CERT1: variants seen among roughly 807,000 people sequenced by gnomAD.
The protein encoded by CERT1 is ceramide transfer protein.
Under a neutral mutation model 87.9 loss-of-function variants are expected in CERT1, and 31 were observed. The observed-to-expected ratio is 0.35, with a 90% CI of 0.27 to 0.48. The LOEUF (loss-of-function observed/expected upper bound fraction) is 0.48. Among genes scored for constraint, CERT1 ranks in the 20% least tolerant of loss-of-function variants. The probability of loss-of-function intolerance (pLI) is 0.99; values close to 1 mark genes in which losing one functional copy is unlikely to be tolerated. For missense variants in CERT1, 487 were observed against 758.0 expected (o/e 0.64, Z 4.20); for synonymous variants, 289 against 250.9 (o/e 1.15, Z -1.44).
At chr5:75,497,124 T>C (rs1470704908) in intron 2 of CERT1, among the ~76,000 whole-genome samples, 2 of 152,128 alleles carry the variant, frequency 1.3e-5, no homozygotes, top group African/African-American at 4.8e-5. Flanking sequence ...AACTATTTGG[T>C]GGAAGAAAAT....
At chr5:75,473,085 T>G (rs1257458558) in intron 2 of CERT1, among the ~76,000 whole-genome samples, 1 of 152,126 alleles carries the variant, frequency 6.6e-6, no homozygotes, top group African/African-American at 2.4e-5. Context: ...GCCATTTTTT[T>G]GTTGTTTTTT....
intron 11 of CERT1, among the ~76,000 whole-genome samples, chr5:75,392,995 A>G (rs959810147): frequency 2.0e-5 from 3 of 148,076 alleles, no homozygotes; most frequent in Non-Finnish European, 3.0e-5. Context: ...AAAAAAAAAA[A>G]AAGAAGTGGG....
intron 2 of CERT1, among the ~76,000 whole-genome samples, chr5:75,503,050 C>T (rs1767458790): frequency 6.6e-6 from 1 of 152,040 alleles, no homozygotes; most frequent in South Asian, 2.1e-4. Context: ...TCTCTCAAGA[C>T]ATACTTTCTT....
intron 16 of CERT1, 132 bp downstream of exon 16, chr5:75,380,940 T>A: frequency 1.1e-6 from 1 of 923,594 alleles, no homozygotes. Flanking sequence ...AATTCTGATA[T>A]ACCTTTCTCC....
intron 3 of CERT1, among the ~76,000 whole-genome samples, chr5:75,427,401 C>T (rs1027437307): frequency 6.6e-6 from 1 of 152,100 alleles, no homozygotes; most frequent in Non-Finnish European, 1.5e-5. Flanking sequence ...GAGTCTGAGA[C>T]CAGCCTGGCC....
chr5:75,499,447 T>C (rs1157549735), intron 2 of CERT1, among the ~76,000 whole-genome samples: 1 of 152,144 alleles, frequency 6.6e-6, no homozygotes, highest in Non-Finnish European at 1.5e-5. Flanking sequence ...ATAAAGAGCT[T>C]GTCCCCCTTT....
intron 14 of CERT1, among the ~76,000 whole-genome samples, chr5:75,383,576 C>A (rs1761669975): frequency 6.6e-6 from 1 of 152,076 alleles, no homozygotes; most frequent in African/African-American, 2.4e-5. Context: ...AATTGTTATG[C>A]ATTTCTGAGC....
chr5:75,395,258 C>A (rs1403364074), intron 11 of CERT1, among the ~76,000 whole-genome samples: 1 of 152,158 alleles, frequency 6.6e-6, no homozygotes, highest in African/African-American at 2.4e-5. Flanking sequence ...ACAAAATGAT[C>A]AATTTATGAA....
chr5:75,509,507 C>T (rs992996348), intron 1 of CERT1, among the ~76,000 whole-genome samples: 2 of 152,106 alleles, frequency 1.3e-5, no homozygotes, highest in Non-Finnish European at 2.9e-5. Context: ...ATTCACCTTC[C>T]ATAGAGGTGA....
chr5:75,389,200 G>A (rs1761932284), intron 12 of CERT1, among the ~76,000 whole-genome samples: 1 of 151,966 alleles, frequency 6.6e-6, no homozygotes, highest in Non-Finnish European at 1.5e-5. Flanking sequence ...GGAGGGTATA[G>A]ACCAAAAAGG....
intron 3 of CERT1, among the ~76,000 whole-genome samples, chr5:75,454,217 G>A (rs913847672): frequency 2.0e-5 from 3 of 152,122 alleles, no homozygotes; most frequent in Non-Finnish European, 2.9e-5. Flanking sequence ...AACACATACC[G>A]TAAACTATCA....
intron 16 of CERT1, among the ~76,000 whole-genome samples, chr5:75,379,887 A>C (rs937077378): frequency 1.3e-5 from 2 of 152,040 alleles, no homozygotes; most frequent in African/African-American, 4.8e-5. Flanking sequence ...CAGCTGGACC[A>C]ATTATGATCT....
intron 2 of CERT1, among the ~76,000 whole-genome samples, chr5:75,496,302 C>T (rs1049123976): frequency 4.8e-5 from 7 of 145,584 alleles, no homozygotes; most frequent in African/African-American, 1.8e-4. Flanking sequence ...AAAAAAAAAA[C>T]CCAAAAAATG....
At chr5:75,389,746 A>G in intron 11 of CERT1, 59 bp from the exon 12 acceptor site, 1 of 1,317,896 alleles carries the variant, frequency 7.6e-7, no homozygotes, top group Non-Finnish European at 1.1e-6. Flanking sequence ...TCTCTAAAAC[A>G]GAATGGTCTT....
chr5:75,488,404 T>C (rs147796596), intron 2 of CERT1, among the ~76,000 whole-genome samples: 1 of 152,154 alleles, frequency 6.6e-6, no homozygotes, highest in African/African-American at 2.4e-5. Context: ...AACTTGAAAA[T>C]GTTGTTTCTT....
At chr5:75,490,034 A>G (rs955545058) in intron 2 of CERT1, among the ~76,000 whole-genome samples, 3 of 152,234 alleles carry the variant, frequency 2.0e-5, no homozygotes, top group Non-Finnish European at 2.9e-5. Flanking sequence ...GAATGAGTTC[A>G]TGTCCTTTGT....
rs1284853389 is a variant in CERT1 at position 75,426,918 on chromosome 5, T to C, written c.349-440A>G. On this transcript the variant is annotated intron_variant, in intron 3 of 16. Coordinates refer to ENST00000643780, the MANE Select transcript of CERT1 (RefSeq NM_001379029.1). ...TACCACAGAACTGTACACTTAACAG[T>C]GGTCAAAATGGTAATTTTATGTATT... is the stretch of plus-strand genomic sequence containing the variant. 3.9e-5 allele frequency among the ~76,000 whole-genome samples: 6 copies of C among 152,348 alleles called. No individual in the cohort carries two copies. In the East Asian group the frequency reaches 1.2e-3, roughly 29 times the overall value.
At chr5:75,403,983 T>A (rs1341579841) in intron 8 of CERT1, among the ~76,000 whole-genome samples, 3 of 152,212 alleles carry the variant, frequency 2.0e-5, no homozygotes, top group Admixed American at 6.5e-5. Flanking sequence ...ACAACAGCTT[T>A]GTATTATGAT....
At chr5:75,507,050 CT>C (rs2112477355) in intron 1 of CERT1, among the ~76,000 whole-genome samples, 1 of 152,314 alleles carries the variant, frequency 6.6e-6, no homozygotes, top group African/African-American at 2.4e-5. Flanking sequence ...GGCTCAGGCT[CT>C]ATATCCACTG....
Sources: gnomAD v4.1 joint callset for allele counts (sites outside exome capture counted in the v4.1 genomes callset) on GRCh38, gnomAD v4.1.1 for gene constraint, MANE v1.5 for transcripts, NCBI Gene and HGNC (gene_info 2026-07-23, HGNC 2026-07-21) for gene names.